The following URI1 variants were observed in gnomAD, a reference collection of about 807,000 sequenced individuals.
The protein encoded by URI1 is URI1 prefoldin like chaperone, also known as unconventional prefoldin RPB5 interactor 1.
Under a neutral mutation model 60.2 loss-of-function variants are expected in URI1, and 39 were observed. That is an observed-to-expected ratio of 0.65 (90% CI 0.50 to 0.85). The LOEUF (loss-of-function observed/expected upper bound fraction) is 0.85, where lower values mean the gene tolerates loss of function less well. URI1 is among the 40% of genes least tolerant of loss of function. The pLI, the probability that URI1 is intolerant of heterozygous loss-of-function variation, is 0.00. For missense variants in URI1, 691 were observed against 665.9 expected (o/e 1.04, Z -0.42); for synonymous variants, 251 against 236.8 (o/e 1.06, Z -0.55).
intron 1 of URI1, among the ~76,000 whole-genome samples, chr19:29,967,106 AC>A (rs2055400519): frequency 6.6e-6 from 1 of 152,244 alleles, no homozygotes; most frequent in East Asian, 1.9e-4. Flanking sequence ...TGGAGATCTT[AC>A]TGCATGTTAC....
Position 29,942,596 on chromosome 19 carries a change from G to GC in URI1, c.53dup (p.Ala19GlyfsTer25). On this transcript the variant is annotated frameshift_variant, in exon 1 of 11. Transcript: ENST00000392271. LOFTEE classifies it high-confidence loss of function. ...GCCCCCCGACCCCTCGCCCCCTTCGGCCCCGGCCCCTGCCCTGGTTCCGTT... is the reference window on the plus strand; with the variant it reads ...GCCCCCCGACCCCTCGCCCCCTTCGGCCCCCGGCCCCTGCCCTGGTTCCGTT... The GC allele has an allele frequency of 6.9e-7, 1 of 1,445,766 alleles. No homozygotes were observed. Among genetic ancestry groups the GC allele is most frequent in the Non-Finnish European group, 9.1e-7 (1 of 1,103,058 alleles). The allele number at this position is 1,445,766 out of a possible 1,614,324, so 89.6% of individuals were successfully genotyped here.
chr19:29,945,222 C>G (rs1428404278), intron 1 of URI1, among the ~76,000 whole-genome samples: 2 of 152,228 alleles, frequency 1.3e-5, no homozygotes, highest in Non-Finnish European at 2.9e-5. Flanking sequence ...GAGTTCCTTA[C>G]ACACAGTGGG....
chr19:29,929,442 C>CA (rs1307242905), intron 1 of URI1, among the ~76,000 whole-genome samples: 1 of 150,594 alleles, frequency 6.6e-6, no homozygotes, highest in Non-Finnish European at 1.5e-5. Context: ...ACTAAAAATA[C>CA]AAAAATTAGC....
chr19:29,992,372 A>C (rs943583066), intron 4 of URI1, among the ~76,000 whole-genome samples: 1 of 152,166 alleles, frequency 6.6e-6, no homozygotes, highest in African/African-American at 2.4e-5. Flanking sequence ...GCCTGGCCTA[A>C]AGTGAGTTTC....
chr19:29,940,455 C>T (rs1200569652), upstream of URI1, among the ~76,000 whole-genome samples: 7 of 152,092 alleles, frequency 4.6e-5, no homozygotes, highest in Admixed American at 4.6e-4. Flanking sequence ...TTGAGACCAG[C>T]CTGGCCAACA....
chr19:29,926,591 TTC>T (rs1481599323), intron 1 of URI1, among the ~76,000 whole-genome samples: 1 of 152,222 alleles, frequency 6.6e-6, no homozygotes, highest in Non-Finnish European at 1.5e-5. Flanking sequence ...CTTAGAAATG[TTC>T]TGTTTCTTGA....
chr19:29,969,391 A>G (rs1056103670), intron 1 of URI1, among the ~76,000 whole-genome samples: 4 of 152,180 alleles, frequency 2.6e-5, no homozygotes, highest in Non-Finnish European at 4.4e-5. Context: ...CATAAAAAGC[A>G]TATGTGCCAA....
At chr19:30,005,823 A>T (rs2055935486) in intron 6 of URI1, 115 bp downstream of exon 6, 2 of 905,696 alleles carry the variant, frequency 2.2e-6, no homozygotes, top group East Asian at 2.8e-5. Flanking sequence ...AATTCATAGG[A>T]TGCCAACATT....
chr19:30,011,619 G>GTT (rs1254340250), intron 9 of URI1, among the ~76,000 whole-genome samples: 3 of 137,774 alleles, frequency 2.2e-5, no homozygotes, highest in African/African-American at 7.9e-5. Context: ...ACTGTTGCAG[G>GTT]TTTTTTTTTT....
At chr19:29,930,234 C>G (rs1002953647) in intron 1 of URI1, among the ~76,000 whole-genome samples, 3 of 152,032 alleles carry the variant, frequency 2.0e-5, no homozygotes, top group Non-Finnish European at 4.4e-5. Context: ...CCAATGAGCC[C>G]GGTTGATAGT....
Position 30,015,410 on chromosome 19 carries a change from C to A in URI1, c.*341C>A. The stretch of plus-strand genomic sequence containing the variant: ...CTAAATACAGGCAGTTTTGTGCCAG[C>A]TGTGATATTGTGCATACCATATGGA... On this transcript the variant is annotated 3_prime_UTR_variant, in exon 11 of 11. Transcript: ENST00000392271. 1 of 1,444,958 alleles carries A rather than the reference C, an allele frequency of 6.9e-7. No individual in the cohort carries two copies. 89.5% of individuals were successfully genotyped at this position (1,444,958 alleles called of 1,614,324 possible).
At chr19:29,929,063 G>A (rs780903341) in intron 1 of URI1, among the ~76,000 whole-genome samples, 8 of 152,308 alleles carry the variant, frequency 5.3e-5, no homozygotes, top group East Asian at 1.9e-4. Context: ...TACTGAAACC[G>A]TGTTCTTGCT....
intron 1 of URI1, 147 bp from the exon 2 acceptor site, chr19:29,971,046 A>C (rs1001228836): frequency 1.8e-5 from 13 of 733,570 alleles, no homozygotes; most frequent in African/African-American, 1.4e-4. Context: ...ACTAACGTTC[A>C]CATCTCTGTG....
chr19:29,955,220 TC>T (rs2055230286), intron 1 of URI1, among the ~76,000 whole-genome samples: 1 of 151,960 alleles, frequency 6.6e-6, no homozygotes, highest in Non-Finnish European at 1.5e-5. Flanking sequence ...TGCCTCGGCC[TC>T]CCAAAGTGCT....
At chr19:29,935,463 A>G (rs375798178) in intron 1 of URI1, among the ~76,000 whole-genome samples, 1 of 152,170 alleles carries the variant, frequency 6.6e-6, no homozygotes, top group Non-Finnish European at 1.5e-5. Flanking sequence ...ACTGGCTTTT[A>G]TATTTACTGA....
intron 4 of URI1, among the ~76,000 whole-genome samples, chr19:29,994,807 G>A (rs902206999): frequency 4.0e-5 from 6 of 150,154 alleles, no homozygotes; most frequent in Non-Finnish European, 7.4e-5. Flanking sequence ...TTGAGGCAGG[G>A]TCTCACTCTG....
chr19:30,008,160 C>T (rs1297736392), intron 7 of URI1, among the ~76,000 whole-genome samples: 2 of 152,002 alleles, frequency 1.3e-5, no homozygotes, highest in Non-Finnish European at 2.9e-5. Context: ...AGAAACTTTA[C>T]GAAATTGCTG....
At chr19:30,010,221 C>T (rs964709880) in intron 8 of URI1, among the ~76,000 whole-genome samples, 3 of 152,124 alleles carry the variant, frequency 2.0e-5, no homozygotes, top group African/African-American at 7.2e-5. Flanking sequence ...AGTTAAGGGT[C>T]TGTGGTATCA....
intron 8 of URI1, 94 bp from the exon 9 acceptor site, chr19:30,010,996 TCTTA>T (rs1455648827): frequency 1.8e-5 from 25 of 1,366,714 alleles, no homozygotes; most frequent in Admixed American, 1.0e-4. Context: ...CAGCTGCCTC[TCTTA>T]CTATTATTTT....
Sources: allele counts gnomAD v4.1 joint callset (sites outside exome capture counted in the v4.1 genomes callset), GRCh38; gene constraint gnomAD v4.1.1; transcripts MANE v1.5; gene names NCBI Gene and HGNC (gene_info 2026-07-23, HGNC 2026-07-21).